The following MACROD1 variants were observed in gnomAD, a reference collection of about 807,000 sequenced individuals.
MACROD1 encodes ADP-ribose glycohydrolase MACROD1.
MACROD1 carries 31 observed loss-of-function variants against 41.4 expected under a neutral mutation model. The ratio of observed to expected loss-of-function variants is 0.75; its 90% CI spans 0.56 to 1.01. The LOEUF is 1.01. Among genes scored for constraint, MACROD1 ranks in the 50% least tolerant of loss-of-function variants. The probability of loss-of-function intolerance (pLI) is 0.00; values close to 1 mark genes in which losing one functional copy is unlikely to be tolerated. For missense variants in MACROD1, 473 were observed against 460.0 expected (o/e 1.03, Z -0.26); for synonymous variants, 252 against 203.4 (o/e 1.24, Z -2.03).
At position 64,135,938 on chromosome 11, in the gene MACROD1, C is replaced by T. The variant is rs554461416; in HGVS notation, c.517+15301G>A. 5.8e-3 allele frequency among the ~76,000 whole-genome samples: 891 copies of T among 152,316 alleles called. 7 individuals are homozygous for T. The highest frequency in any genetic ancestry group is 8.6e-3 in the Admixed American group (132 of 15,306). On this transcript the variant is annotated intron_variant, in intron 3 of 10. Coordinates refer to ENST00000255681, the MANE Select transcript of MACROD1 (RefSeq NM_014067.4). ...TGCAAGGACCCCTGGAGCAGCTTCC[C>T]GGCTGGTCCAAGTCACCCCTGCTGC...
intron 3 of MACROD1, among the ~76,000 whole-genome samples, chr11:64,111,172 G>C (rs72918475): frequency 0.17 from 25,206 of 152,296 alleles, 2,346 homozygotes; most frequent in Admixed American, 0.28. Flanking sequence ...GTCCATACCA[G>C]GGAATGCGGT....
chr11:64,113,933 T>C (rs1716016148), intron 3 of MACROD1, among the ~76,000 whole-genome samples: 1 of 146,740 alleles, frequency 6.8e-6, no homozygotes, highest in Non-Finnish European at 1.5e-5. Context: ...CATGGATTGA[T>C]GCACGGATGG....
chr11:64,016,962 C>T (rs1316941283), intron 3 of MACROD1, among the ~76,000 whole-genome samples: 1 of 151,828 alleles, frequency 6.6e-6, no homozygotes, highest in Admixed American at 6.6e-5. Context: ...ATGCACATTT[C>T]TTTCTTTCTT....
chr11:64,102,143 T>A (rs1944681325), intron 3 of MACROD1, among the ~76,000 whole-genome samples: 1 of 152,226 alleles, frequency 6.6e-6, no homozygotes, highest in Admixed American at 6.5e-5. Flanking sequence ...TGGATCTGAT[T>A]TCAAACCAGA....
At chr11:64,012,753 C>T (rs938210488) in intron 4 of MACROD1, among the ~76,000 whole-genome samples, 7 of 152,176 alleles carry the variant, frequency 4.6e-5, no homozygotes, top group African/African-American at 1.7e-4. Flanking sequence ...CCAGGCTGGT[C>T]TCGAACTCTT....
At chr11:64,043,489 G>A (rs965825382) in intron 3 of MACROD1, among the ~76,000 whole-genome samples, 1 of 152,116 alleles carries the variant, frequency 6.6e-6, no homozygotes, top group Non-Finnish European at 1.5e-5. Context: ...GGTGACTCCT[G>A]GGGGAGCTGG....
At chr11:64,073,494 TGGAA>T (rs1944145388) in intron 3 of MACROD1, among the ~76,000 whole-genome samples, 1 of 152,124 alleles carries the variant, frequency 6.6e-6, no homozygotes, top group Admixed American at 6.5e-5. Context: ...TGGAGGTTGG[TGGAA>T]GGATTAGCTG....
intron 3 of MACROD1, among the ~76,000 whole-genome samples, chr11:64,076,811 A>G (rs1181254956): frequency 1.3e-5 from 2 of 152,132 alleles, no homozygotes; most frequent in Non-Finnish European, 2.9e-5. Flanking sequence ...CGTCCCTCCT[A>G]CTGCGTGAGC....
chr11:64,043,392 T>C (rs1943525490), intron 3 of MACROD1, among the ~76,000 whole-genome samples: 1 of 152,160 alleles, frequency 6.6e-6, no homozygotes, highest in Non-Finnish European at 1.5e-5. Flanking sequence ...CCCCGAGGTC[T>C]GGGGCCCATG....
chr11:64,151,152 G>C (rs1945570056), intron 3 of MACROD1, 87 bp downstream of exon 3: 1 of 1,149,196 alleles, frequency 8.7e-7, no homozygotes, highest in African/African-American at 1.5e-5. Context: ...ACTGGAGCCA[G>C]GTGGCGTCCA....
At chr11:64,009,550 C>G (rs573162914) in intron 4 of MACROD1, among the ~76,000 whole-genome samples, 1 of 152,294 alleles carries the variant, frequency 6.6e-6, no homozygotes, top group South Asian at 2.1e-4. Context: ...ATAGCTCCCT[C>G]AACTCAGAGA....
At chr11:64,112,040 CCTT>C (rs1177694755) in intron 3 of MACROD1, among the ~76,000 whole-genome samples, 1 of 152,224 alleles carries the variant, frequency 6.6e-6, no homozygotes, top group African/African-American at 2.4e-5. Context: ...GACCCCACCT[CCTT>C]CTGCCAGGGG....
At chr11:64,109,876 A>C (rs1944828927) in intron 3 of MACROD1, among the ~76,000 whole-genome samples, 1 of 152,160 alleles carries the variant, frequency 6.6e-6, no homozygotes, top group Non-Finnish European at 1.5e-5. Context: ...CGGAAGGCAC[A>C]GCAGGAGCAG....
intron 4 of MACROD1, among the ~76,000 whole-genome samples, chr11:64,011,715 GC>G (rs1943018985): frequency 6.6e-6 from 1 of 151,996 alleles, no homozygotes; most frequent in African/African-American, 2.4e-5. Flanking sequence ...GCCAGGGCAG[GC>G]AGGATGGCCC....
At position 64,082,608 on chromosome 11, in the gene MACROD1, C is replaced by A. The variant is rs373032816; in HGVS notation, c.518-67327G>T. 3.3e-5 allele frequency among the ~76,000 whole-genome samples: 5 copies of A among 152,208 alleles called. No homozygotes were observed. The East Asian group carries it at 7.7e-4, about 24-fold the overall frequency. ...AGCTTAGGGGTCCCTGGGCTGAAGA[C>A]GGAACCTCTGAGTGCAGGCACCAGG... is the stretch of plus-strand genomic sequence containing the variant. On this transcript the variant is annotated intron_variant, in intron 3 of 10. Coordinates refer to ENST00000255681, the MANE Select transcript of MACROD1 (RefSeq NM_014067.4). The surrounding 1 kb of genome is among the most constrained non-coding windows in gnomAD (Gnocchi z 4.5).
At chr11:64,040,948 A>G (rs1454042776) in intron 3 of MACROD1, among the ~76,000 whole-genome samples, 1 of 152,094 alleles carries the variant, frequency 6.6e-6, no homozygotes, top group South Asian at 2.1e-4. Flanking sequence ...TCAAGGGGTC[A>G]AAGGGCATCC....
At chr11:64,012,689 G>A (rs953507721) in intron 4 of MACROD1, among the ~76,000 whole-genome samples, 2 of 152,000 alleles carry the variant, frequency 1.3e-5, no homozygotes, top group African/African-American at 4.8e-5. Flanking sequence ...GTGAGCCACC[G>A]CTCCTGGCCT....
At chr11:64,087,376 A>G (rs2134510714) in intron 3 of MACROD1, among the ~76,000 whole-genome samples, 1 of 152,172 alleles carries the variant, frequency 6.6e-6, no homozygotes, top group Non-Finnish European at 1.5e-5. Flanking sequence ...CCACGGCTGT[A>G]GCCCTGACCA....
At chr11:64,113,214 G>A (rs951028854) in intron 3 of MACROD1, among the ~76,000 whole-genome samples, 2 of 152,202 alleles carry the variant, frequency 1.3e-5, no homozygotes, top group Non-Finnish European at 2.9e-5. Context: ...TTGTTGGGAG[G>A]GTTAAATGAC....
Sources: allele counts gnomAD v4.1 joint callset (sites outside exome capture counted in the v4.1 genomes callset), GRCh38; gene constraint gnomAD v4.1.1; non-coding constraint Gnocchi (gnomAD v3.1); transcripts MANE v1.5; gene names NCBI Gene and HGNC (gene_info 2026-07-23, HGNC 2026-07-21).